The following STEAP1B variants were observed in gnomAD, a reference collection of about 807,000 sequenced individuals.
STEAP1B encodes STEAP family member 1B.
Under a neutral mutation model 27.9 loss-of-function variants are expected in STEAP1B, and 13 were observed. That is an observed-to-expected ratio of 0.47 (90% CI 0.30 to 0.74). The LOEUF is 0.74. Among genes scored for constraint, STEAP1B ranks in the 30% least tolerant of loss-of-function variants. The probability of loss-of-function intolerance (pLI) is 0.06; values close to 1 mark genes in which losing one functional copy is unlikely to be tolerated. For synonymous variants in STEAP1B, 86 were observed against 107.1 expected (o/e 0.80, Z 1.22); for missense variants, 250 against 298.7 (o/e 0.84, Z 1.20).
intron 4 of STEAP1B, among the ~76,000 whole-genome samples, chr7:22,444,294 T>C (rs1785376290): frequency 6.6e-6 from 1 of 152,220 alleles, no homozygotes; most frequent in Non-Finnish European, 1.5e-5. Flanking sequence ...CACACAGCAC[T>C]GTGCAAGGCA....
At chr7:22,487,902 A>T (rs1430046407) in intron 4 of STEAP1B, among the ~76,000 whole-genome samples, 2 of 152,156 alleles carry the variant, frequency 1.3e-5, no homozygotes, top group Non-Finnish European at 2.9e-5. Flanking sequence ...GTAAAATATA[A>T]AACTGAGCAA....
chr7:22,491,532 C>T (rs1786321247), intron 4 of STEAP1B, among the ~76,000 whole-genome samples: 1 of 152,112 alleles, frequency 6.6e-6, no homozygotes, highest in African/African-American at 2.4e-5. Context: ...TGGAAGTAAA[C>T]TCTGTCTTGC....
At chr7:22,422,382 T>C (rs532193490) in intron 4 of STEAP1B, among the ~76,000 whole-genome samples, 2 of 152,330 alleles carry the variant, frequency 1.3e-5, no homozygotes, top group East Asian at 3.9e-4. Context: ...AATAACATGC[T>C]ACGAGCTCTG....
chr7:22,487,562 T>C (rs938002730), intron 4 of STEAP1B, among the ~76,000 whole-genome samples: 6 of 114,962 alleles, frequency 5.2e-5, no homozygotes, highest in African/African-American at 2.0e-4. Context: ...ACGCCGAGGA[T>C]GGCGGGGGCG....
chr7:22,449,302 T>C (rs1042499665), intron 4 of STEAP1B, among the ~76,000 whole-genome samples: 7 of 152,230 alleles, frequency 4.6e-5, no homozygotes, highest in Non-Finnish European at 8.8e-5. Context: ...AACACTACCC[T>C]TCCCAGCCTC....
intron 4 of STEAP1B, among the ~76,000 whole-genome samples, chr7:22,466,918 A>T (rs1389054374): frequency 6.6e-6 from 1 of 152,164 alleles, no homozygotes; most frequent in Admixed American, 6.5e-5. Flanking sequence ...TGATTTTCTC[A>T]TCTGGAAAAT....
chr7:22,498,688 TA>T (rs1786483367), intron 1 of STEAP1B, among the ~76,000 whole-genome samples: 1 of 152,178 alleles, frequency 6.6e-6, no homozygotes, highest in Non-Finnish European at 1.5e-5. Flanking sequence ...TAGAAGAGGA[TA>T]AAGTTTTATA....
At chr7:22,444,228 C>T (rs115858375) in intron 4 of STEAP1B, among the ~76,000 whole-genome samples, 2,878 of 152,258 alleles carry the variant, frequency 0.019, 109 homozygotes, top group African/African-American at 0.066. Context: ...AGTGAGGGTA[C>T]CTGTACCTCC....
At chr7:22,471,284 C>T (rs1405505444) in intron 4 of STEAP1B, among the ~76,000 whole-genome samples, 4 of 152,176 alleles carry the variant, frequency 2.6e-5, no homozygotes, top group African/African-American at 4.8e-5. Context: ...AGGAAAGTGA[C>T]GCAGAGGAAG....
chr7:22,475,497 G>A (rs143959198), intron 4 of STEAP1B, among the ~76,000 whole-genome samples: 4 of 152,108 alleles, frequency 2.6e-5, no homozygotes, highest in Admixed American at 6.5e-5. Flanking sequence ...TCAGCCTCCC[G>A]AGTACCTTGG....
At chr7:22,491,231 T>A (rs1177879606) in intron 4 of STEAP1B, among the ~76,000 whole-genome samples, 1 of 152,230 alleles carries the variant, frequency 6.6e-6, no homozygotes, top group African/African-American at 2.4e-5. Context: ...TGCCATAGTA[T>A]AGTGACACTA....
At chr7:22,482,053 G>A (rs908839656) in intron 4 of STEAP1B, among the ~76,000 whole-genome samples, 10 of 152,200 alleles carry the variant, frequency 6.6e-5, no homozygotes, top group Non-Finnish European at 1.5e-4. Context: ...ACAGGGGCCA[G>A]GCAGAGCCAT....
chr7:22,422,128 T>TA (rs1785051570), intron 4 of STEAP1B, among the ~76,000 whole-genome samples: 1 of 152,258 alleles, frequency 6.6e-6, no homozygotes, highest in South Asian at 2.1e-4. Flanking sequence ...GCTCTAATTT[T>TA]AGAGTTGTTT....
intron 4 of STEAP1B, among the ~76,000 whole-genome samples, chr7:22,454,082 A>G (rs1785532336): frequency 6.6e-6 from 1 of 152,228 alleles, no homozygotes; most frequent in African/African-American, 2.4e-5. Context: ...AAAACTATGT[A>G]ATAACTTGAA....
At chr7:22,435,016 G>A (rs893357323) in intron 4 of STEAP1B, among the ~76,000 whole-genome samples, 9 of 152,102 alleles carry the variant, frequency 5.9e-5, no homozygotes, top group African/African-American at 1.4e-4. Flanking sequence ...TAGTGTGACC[G>A]AGGAACTGAA....
chr7:22,475,383 T>C (rs1785953568), intron 4 of STEAP1B, among the ~76,000 whole-genome samples: 1 of 152,190 alleles, frequency 6.6e-6, no homozygotes, highest in African/African-American at 2.4e-5. Context: ...TTGAGCTGGA[T>C]TTCGTTCTGA....
At chr7:22,439,797 A>ATAG (rs1436864367) in intron 4 of STEAP1B, among the ~76,000 whole-genome samples, 24 of 152,232 alleles carry the variant, frequency 1.6e-4, no homozygotes, top group Non-Finnish European at 7.3e-5. Context: ...TAAGGTAACT[A>ATAG]TAGTATGAAA....
intron 4 of STEAP1B, among the ~76,000 whole-genome samples, chr7:22,473,590 A>G (rs545262711): frequency 6.6e-6 from 1 of 152,344 alleles, no homozygotes; most frequent in Non-Finnish European, 1.5e-5. Context: ...AGTTTTTCAA[A>G]AACAGCCAGA....
intron 4 of STEAP1B, among the ~76,000 whole-genome samples, chr7:22,469,765 G>GA (rs1785848578): frequency 6.6e-6 from 1 of 152,150 alleles, no homozygotes. Context: ...TTTACACAAT[G>GA]AAAAACATCT....
Sources: gnomAD v4.1 joint callset for allele counts (sites outside exome capture counted in the v4.1 genomes callset) on GRCh38, gnomAD v4.1.1 for gene constraint, MANE v1.5 for transcripts, NCBI Gene and HGNC (gene_info 2026-07-23, HGNC 2026-07-21) for gene names.